TRPM3: variants seen among roughly 807,000 people sequenced by gnomAD.
TRPM3 encodes transient receptor potential cation channel subfamily M member 3.
TRPM3 carries 77 observed loss-of-function variants against 181.2 expected under a neutral mutation model. The observed-to-expected ratio is 0.42, with a 90% CI of 0.35 to 0.51. The LOEUF (loss-of-function observed/expected upper bound fraction) is 0.51, where lower values mean the gene tolerates loss of function less well. Among genes scored for constraint, TRPM3 ranks in the 20% least tolerant of loss-of-function variants. The pLI, the probability that TRPM3 is intolerant of heterozygous loss-of-function variation, is 0.01. For missense variants in TRPM3, 1,759 were observed against 2,196.7 expected (o/e 0.80, Z 3.98); for synonymous variants, 745 against 796.4 (o/e 0.94, Z 1.09).
chr9:70,569,437 C>A (rs1443664321), intron 22 of TRPM3, among the ~76,000 whole-genome samples: 1 of 152,126 alleles, frequency 6.6e-6, no homozygotes, highest in African/African-American at 2.4e-5. Context: ...TCTTGTTTTG[C>A]TGTATGTCAT....
In TRPM3 at chr9:71,246,857, T is replaced by A. The variant is rs10781001; in HGVS notation, c.183+199796A>T. 1.6e-4 allele frequency among the ~76,000 whole-genome samples: 24 copies of A among 152,320 alleles called. No individual in the cohort carries two copies. In the East Asian group the frequency reaches 3.9e-3, roughly 24 times the overall value. ...TTTTAGCCTCTTCAGGTTTTGTGTG[T>A]ACATGTAATTCCAGTGTATCACAAA... On this transcript the variant is annotated intron_variant, in intron 1 of 24. Transcript: ENST00000357533.
intron 25 of TRPM3, among the ~76,000 whole-genome samples, chr9:70,538,832 A>G (rs1389785707): frequency 6.6e-6 from 1 of 152,222 alleles, no homozygotes; most frequent in Non-Finnish European, 1.5e-5. Flanking sequence ...CTTGATTTCA[A>G]TTGTCACTCA....
intron 1 of TRPM3, among the ~76,000 whole-genome samples, chr9:70,904,179 T>C (rs1447432243): frequency 6.6e-6 from 1 of 152,156 alleles, no homozygotes; most frequent in Non-Finnish European, 1.5e-5. Context: ...GCCCTGACTG[T>C]GTCATTGACC....
At chr9:70,613,236 A>C (rs2062248055) in intron 18 of TRPM3, among the ~76,000 whole-genome samples, 1 of 152,176 alleles carries the variant, frequency 6.6e-6, no homozygotes. Flanking sequence ...TTCCTTTGAC[A>C]TTCCTTAAAG....
chr9:70,675,112 T>C (rs1254619455), intron 9 of TRPM3, among the ~76,000 whole-genome samples: 1 of 152,142 alleles, frequency 6.6e-6, no homozygotes, highest in African/African-American at 2.4e-5. Context: ...ATTATTATTA[T>C]TTTTTGAGAC....
chr9:71,116,108 T>C lies in TRPM3; in HGVS notation c.177+5070A>G, dbSNP rs17056296. On this transcript the variant is annotated intron_variant, in intron 1 of 25. Transcript: ENST00000677713. ...ATACATCATGTTTTCCTAAAAGCAG[T>C]TTATTCTTCAAGTTTCCCATCTTCA... Among the ~76,000 whole-genome samples the C allele has an allele frequency of 9.8e-3, 1,497 of 152,328 alleles. 23 individuals carry two copies. The highest frequency in any genetic ancestry group is 0.012 in the Non-Finnish European group (790 of 68,032).
At chr9:70,993,400 G>T (rs1447065008) in intron 1 of TRPM3, among the ~76,000 whole-genome samples, 1 of 152,078 alleles carries the variant, frequency 6.6e-6, no homozygotes, top group Non-Finnish European at 1.5e-5. Flanking sequence ...TTTCTAATGG[G>T]CTAACTGGGA....
At chr9:70,603,224 G>T in intron 20 of TRPM3, 118 bp downstream of exon 20, 3 of 1,265,562 alleles carry the variant, frequency 2.4e-6, no homozygotes, top group Non-Finnish European at 2.2e-6. Context: ...CTGTGGTAGA[G>T]TTAGAGAAAA....
intron 1 of TRPM3, among the ~76,000 whole-genome samples, chr9:71,004,335 G>A (rs898882487): frequency 6.6e-6 from 1 of 152,250 alleles, no homozygotes; most frequent in Non-Finnish European, 1.5e-5. Flanking sequence ...ACTAACTTAA[G>A]TCTTTCTCAG....
At position 70,770,109 on chromosome 9, in the gene TRPM3, G is replaced by T. The variant is rs1028796894; in HGVS notation, c.1149-8385C>A. On this transcript the variant is annotated intron_variant, in intron 7 of 25. Transcript: ENST00000677713. ...TTTCTCTTGTTGTTTAAACTCAAAG[G>T]GTGTTTAGAAATGATTGGGCCAGTG... 2.0e-5 allele frequency among the ~76,000 whole-genome samples: 3 copies of T among 152,068 alleles called. No individual in the cohort carries two copies. In the East Asian group the frequency reaches 5.8e-4, roughly 29 times the overall value.
At chr9:70,829,037 T>C (rs1316766138) in intron 5 of TRPM3, among the ~76,000 whole-genome samples, 1 of 152,170 alleles carries the variant, frequency 6.6e-6, no homozygotes, top group Non-Finnish European at 1.5e-5. Flanking sequence ...AGAAAGAGAA[T>C]ATTCAACAGG....
chr9:70,978,959 G>A (rs1488020932), intron 1 of TRPM3, among the ~76,000 whole-genome samples: 1 of 152,178 alleles, frequency 6.6e-6, no homozygotes, highest in Non-Finnish European at 1.5e-5. Context: ...GTTTCCCAGG[G>A]AAGAAAGGAA....
chr9:71,371,270 C>A (rs761984445), intron 1 of TRPM3, among the ~76,000 whole-genome samples: 4 of 152,108 alleles, frequency 2.6e-5, no homozygotes, highest in African/African-American at 9.7e-5. Context: ...CGATAACTGC[C>A]ACAGATTGTG....
chr9:71,330,384 C>T (rs1409486495), intron 1 of TRPM3, among the ~76,000 whole-genome samples: 1 of 151,796 alleles, frequency 6.6e-6, no homozygotes, highest in Non-Finnish European at 1.5e-5. Context: ...TATAGATTCA[C>T]ACATAAATGG....
At chr9:71,252,869 T>TTTTTTA (rs2082435472) in intron 1 of TRPM3, among the ~76,000 whole-genome samples, 1 of 148,832 alleles carries the variant, frequency 6.7e-6, no homozygotes, top group African/African-American at 2.5e-5. Flanking sequence ...TTTTTTTTTT[T>TTTTTTA]AGAAGTGCAG....
rs191135073 is a variant in TRPM3, at chr9:71,370,295, G to T, written c.183+76358C>A. 1.5e-3 allele frequency among the ~76,000 whole-genome samples: 226 copies of T among 152,250 alleles called. 1 individual carries two copies. The highest frequency in any genetic ancestry group is 5.4e-3 in the African/African-American group (224 of 41,548). ...ACTAGAAATAATTAAGCTTAGTGAG[G>T]ATGGCATGGCAAAAGCTAAGATAGG... On this transcript the variant is annotated intron_variant, in intron 1 of 24. Coordinates refer to the TRPM3 transcript ENST00000357533.
intron 1 of TRPM3, among the ~76,000 whole-genome samples, chr9:71,267,101 A>G (rs974060089): frequency 2.6e-5 from 4 of 152,056 alleles, no homozygotes; most frequent in African/African-American, 9.7e-5. Flanking sequence ...TATTCTGCCT[A>G]CCTGGAGCAC....
intron 7 of TRPM3, among the ~76,000 whole-genome samples, chr9:70,781,991 A>AAAAC (rs199713468): frequency 6.6e-6 from 1 of 151,978 alleles, no homozygotes; most frequent in Non-Finnish European, 1.5e-5. Context: ...GTTTTCTGAA[A>AAAAC]AAACAAACAA....
intron 1 of TRPM3, among the ~76,000 whole-genome samples, chr9:71,184,791 C>A (rs561317103): frequency 6.6e-6 from 1 of 152,266 alleles, no homozygotes; most frequent in African/African-American, 2.4e-5. Flanking sequence ...GGCCTGCCAA[C>A]AGCTTTACAT....
Sources: allele counts gnomAD v4.1 joint callset (sites outside exome capture counted in the v4.1 genomes callset), GRCh38; gene constraint gnomAD v4.1.1; transcripts MANE v1.5; gene names NCBI Gene and HGNC (gene_info 2026-07-23, HGNC 2026-07-21).